Variants in COL17A1 observed in about 807,000 individuals in gnomAD.
COL17A1 encodes the protein collagen alpha-1(XVII) chain.
A neutral mutation model predicts 218.4 loss-of-function variants in COL17A1; 181 were observed. The observed-to-expected ratio is 0.83, with a 90% CI of 0.73 to 0.94. The LOEUF is 0.94. COL17A1 is among the 40% of genes least tolerant of loss of function. The pLI is 0.00. For missense variants in COL17A1, 1,924 were observed against 1,945.9 expected (o/e 0.99, Z 0.21); for synonymous variants, 721 against 731.0 (o/e 0.99, Z 0.22).
Position 104,078,565 on chromosome 10 carries a change from G to A in COL17A1, c.74C>T (p.Thr25Ile). Reference protein sequence around the residue: ...TERIVTETVTTRLTSLPPKGG... With the variant: ...TERIVTETVTIRLTSLPPKGG... ...ACTTGGTGGTAAGGATGTAAGTCTT[G>A]TGGTTACTGTTTCAGTGACAACTAG... is the stretch of plus-strand genomic sequence containing the variant. Residue 25 changes from threonine (T) to isoleucine (I), a missense_variant, in exon 3 of 56, where the codon ACA becomes ATA. Physicochemically the swap from Thr to Ile is moderately conservative, Grantham distance 89. Coordinates refer to ENST00000648076, the MANE Select transcript of COL17A1 (RefSeq NM_000494.4). The A allele has an allele frequency of 6.2e-7, 1 of 1,614,182 alleles. No homozygotes were observed. Among genetic ancestry groups the A allele is most frequent in the Non-Finnish European group, 8.5e-7 (1 of 1,180,022 alleles).
chr10:104,034,910 A>C, intron 50 of COL17A1, 143 bp from the exon 51 acceptor site: 1 of 995,560 alleles, frequency 1.0e-6, no homozygotes, highest in Non-Finnish European at 1.5e-6. Context: ...AGAGAAAAGC[A>C]GGAGGCCAGA....
At chr10:104,057,913 G>A (rs935974227) in intron 16 of COL17A1, among the ~76,000 whole-genome samples, 1 of 152,000 alleles carries the variant, frequency 6.6e-6, no homozygotes, top group Non-Finnish European at 1.5e-5. Flanking sequence ...GGGGGCGGGG[G>A]GCCTGTTAGC....
In COL17A1 at chr10:104,078,533, G is replaced by GTTAC. The variant is rs752923315; in HGVS notation, c.97+5_97+8dup. 3 of 1,614,052 alleles carry GTTAC rather than the reference G, an allele frequency of 1.9e-6. No homozygotes were observed. The African/African-American group carries it at 4.0e-5, about 22-fold the overall frequency. On this transcript the variant is annotated intron_variant, in intron 3 of 55. Transcript: ENST00000648076. ...TACTGAAAAGAAAGCTATTGAGGTA[G>GTTAC]TTACTTACTTGGTGGTAAGGATGTA...
intron 2 of COL17A1, among the ~76,000 whole-genome samples, chr10:104,079,373 G>T (rs902948065): frequency 6.6e-6 from 1 of 152,136 alleles, no homozygotes; most frequent in African/African-American, 2.4e-5. Flanking sequence ...GCATGCATGT[G>T]TGTATGTGTG....
chr10:104,080,722 T>G (rs528688297), intron 1 of COL17A1, 38 bp from the exon 2 acceptor site: 11 of 1,608,040 alleles, frequency 6.8e-6, no homozygotes, highest in South Asian at 2.2e-5. Flanking sequence ...GTCATACTTA[T>G]CATTGTTTTT....
chr10:104,042,520 G>C, intron 35 of COL17A1, 65 bp from the exon 36 acceptor site: 2 of 1,516,202 alleles, frequency 1.3e-6, no homozygotes, highest in Non-Finnish European at 1.8e-6. Flanking sequence ...AGAACTAAAG[G>C]CATAATTCCT....
intron 28 of COL17A1, 150 bp from the exon 29 acceptor site, chr10:104,049,621 T>C (rs925578305): frequency 2.6e-6 from 2 of 777,978 alleles, no homozygotes; most frequent in African/African-American, 3.4e-5. Flanking sequence ...GGAAGTGGCA[T>C]GGGCTCAACC....
rs749843906 is a variant in COL17A1, at chr10:104,053,896, A to G, written c.1834+24T>C. ...TGAATGAAAGAATGAGGAATAAATG[A>G]ATAAAGAAAAATGTGTTTCTTACCC... is the stretch of plus-strand genomic sequence containing the variant. On this transcript the variant is annotated intron_variant, in intron 22 of 55. Transcript: ENST00000648076. 3 of 1,393,528 alleles carry G rather than the reference A, an allele frequency of 2.2e-6. No homozygotes were observed. The African/African-American group carries it at 4.3e-5, about 20-fold the overall frequency. The allele number at this position is 1,393,528 out of a possible 1,614,324, so 86.3% of individuals were successfully genotyped here.
In COL17A1 at chr10:104,035,493, C is replaced by T. The variant is rs746116200; in HGVS notation, c.3489G>A (p.Glu1163=). The T allele has an allele frequency of 1.1e-5, 18 of 1,613,790 alleles. No homozygotes were observed. Among genetic ancestry groups the T allele is most frequent in the Non-Finnish European group, 1.4e-5 (17 of 1,179,956 alleles). The change falls in exon 49 of 56, where the codon GAG becomes GAA. Residue 1163 remains glutamate (E), a synonymous_variant. Transcript: ENST00000648076. ...PPGLPGTSYE[E]LLSLLRGSEF... is the part of the protein sequence containing the mutation. Reference sequence around the variant, plus strand: ...CCTTACCTCGCAGCAAGGAGAGGAGCTCCTCATAGGAGGTTCCCGGCAAGC... The same window carrying T: ...CCTTACCTCGCAGCAAGGAGAGGAGTTCCTCATAGGAGGTTCCCGGCAAGC...
In COL17A1 at chr10:104,031,988, A is replaced by T. The variant is rs1185562220; in HGVS notation, c.*247T>A. The T allele has an allele frequency of 5.1e-6, 3 of 586,610 alleles. No homozygotes were observed. The highest frequency in any genetic ancestry group is 9.1e-6 in the Non-Finnish European group (3 of 328,874). 36.3% of individuals were successfully genotyped at this position (586,610 alleles called of 1,614,324 possible). A position where few individuals can be genotyped will look rare whatever the true frequency, so the allele number is the denominator to read the frequency against. On this transcript the variant is annotated 3_prime_UTR_variant, in exon 56 of 56. Transcript: ENST00000648076. The stretch of plus-strand genomic sequence containing the variant: ...GTTCAGATCTAGATAGCAGAGAAGT[A>T]AGTCTCATTCTAAAACATTGCAACT...
At chr10:104,063,619 G>A in intron 11 of COL17A1, 128 bp downstream of exon 11, 1 of 1,431,946 alleles carries the variant, frequency 7.0e-7, no homozygotes, top group Non-Finnish European at 9.6e-7. Context: ...CAGGTTCTGT[G>A]CAACCCTGTG....
intron 15 of COL17A1, 71 bp from the exon 16 acceptor site, chr10:104,058,261 ATT>A (rs1446427916): frequency 6.3e-7 from 1 of 1,598,614 alleles, no homozygotes; most frequent in East Asian, 2.2e-5. Context: ...TGGAGTAGCC[ATT>A]TTTTTATTCC....
chr10:104,060,354 A>T, intron 13 of COL17A1, 74 bp from the exon 14 acceptor site: 1 of 1,589,866 alleles, frequency 6.3e-7, no homozygotes. Context: ...AGACAAGAAG[A>T]GGAAGGAGAA....
chr10:104,039,961 G>A lies in COL17A1; in HGVS notation c.2788+12C>T, dbSNP rs1001587127. The A allele has an allele frequency of 1.2e-6, 2 of 1,614,030 alleles. No homozygotes were observed. Among genetic ancestry groups the A allele is most frequent in the African/African-American group, 2.7e-5 (2 of 74,922 alleles). On this transcript the variant is annotated intron_variant, in intron 41 of 55. Coordinates refer to ENST00000648076, the MANE Select transcript of COL17A1 (RefSeq NM_000494.4). ...CTACCCCAGGTTTTGTTTGATGCCG[G>A]CTCTACTGTACCTTGGTGTCCTCTG...
Position 104,032,913 on chromosome 10 carries a change from T to A in COL17A1, c.4350A>T (p.Gly1450=). 6.2e-7 allele frequency: 1 copy of A among 1,614,178 alleles called. No individual in the cohort carries two copies. The highest frequency in any genetic ancestry group is 8.5e-7 in the Non-Finnish European group (1 of 1,180,034). The change falls in exon 54 of 56, where the codon GGA becomes GGT. Residue 1450 remains glycine (G), a synonymous_variant. Transcript: ENST00000648076. ...CTCTCTGCCACCACTTACCTTTGGG[T>A]CCTGGAGTGCCCATCTCTCCTTTTT... The part of the protein sequence containing the change: ...PGQKGEMGTP[G]PKGDRGPAGP...
chr10:104,043,737 C>T, intron 34 of COL17A1, 88 bp downstream of exon 34: 1 of 1,567,138 alleles, frequency 6.4e-7, no homozygotes, highest in Non-Finnish European at 8.8e-7. Context: ...AACTCCCAGC[C>T]ACATCCTGCC....
At chr10:104,052,590 T>C (rs1325887850) in intron 23 of COL17A1, among the ~76,000 whole-genome samples, 1 of 152,202 alleles carries the variant, frequency 6.6e-6, no homozygotes, top group African/African-American at 2.4e-5. Flanking sequence ...TTGCAACACC[T>C]TCCCCAGCCT....
intron 29 of COL17A1, 84 bp from the exon 30 acceptor site, chr10:104,048,188 G>T: frequency 6.8e-7 from 1 of 1,476,022 alleles, no homozygotes; most frequent in Non-Finnish European, 9.5e-7. Context: ...TGGCCTTGAA[G>T]CACATTGTGT....
At chr10:104,039,700 T>C (rs375987587) in intron 41 of COL17A1, 60 bp from the exon 42 acceptor site, 1 of 1,612,020 alleles carries the variant, frequency 6.2e-7, no homozygotes. Context: ...CTAACAGCCC[T>C]GTAGAGCCTC....
Sources: allele counts gnomAD v4.1 joint callset (sites outside exome capture counted in the v4.1 genomes callset), GRCh38; gene constraint gnomAD v4.1.1; transcripts MANE v1.5; gene names NCBI Gene and HGNC (gene_info 2026-07-23, HGNC 2026-07-21).